Variants in CHD7 observed in about 807,000 individuals in gnomAD.
CHD7 encodes ATP-dependent chromatin remodeler CHD7.
A neutral mutation model predicts 307.3 loss-of-function variants in CHD7; 24 were observed. The ratio of observed to expected loss-of-function variants is 0.08; its 90% CI spans 0.06 to 0.11. CHD7 has a LOEUF of 0.11. Ranked by LOEUF, CHD7 falls within the 10% of genes least tolerant of loss-of-function variation. The probability of loss-of-function intolerance (pLI) is 1.00; values close to 1 mark genes in which losing one functional copy is unlikely to be tolerated. For missense variants in CHD7, 3,106 were observed against 3,727.1 expected (o/e 0.83, Z 4.34); for synonymous variants, 1,363 against 1,349.9 (o/e 1.01, Z -0.21).
At chr8:60,834,633 A>C (rs1287684599) in intron 15 of CHD7, among the ~76,000 whole-genome samples, 1 of 152,160 alleles carries the variant, frequency 6.6e-6, no homozygotes, top group East Asian at 1.9e-4. Flanking sequence ...ATTCACTTGG[A>C]AAAAGGAGTG....
intron 7 of CHD7, among the ~76,000 whole-genome samples, chr8:60,809,297 G>A (rs370605458): frequency 7.9e-5 from 12 of 152,240 alleles, no homozygotes; most frequent in Admixed American, 2.0e-4. Context: ...AAAAATGCTC[G>A]GAAAATGTTA....
intron 1 of CHD7, among the ~76,000 whole-genome samples, chr8:60,699,782 T>C (rs1213094550): frequency 6.6e-6 from 1 of 152,168 alleles, no homozygotes; most frequent in Admixed American, 6.5e-5. Context: ...GCATAACAGG[T>C]TAGATGGCAT....
intron 3 of CHD7, among the ~76,000 whole-genome samples, chr8:60,791,818 CT>C (rs1398663865): frequency 6.6e-6 from 1 of 152,142 alleles, no homozygotes; most frequent in Non-Finnish European, 1.5e-5. Context: ...CTTGCTTATT[CT>C]TTTAGCTAGT....
At chr8:60,806,817 A>T (rs1488804855) in intron 6 of CHD7, among the ~76,000 whole-genome samples, 1 of 152,194 alleles carries the variant, frequency 6.6e-6, no homozygotes, top group Non-Finnish European at 1.5e-5. Context: ...AGCCTGGGCA[A>T]CATGGTGTAA....
chr8:60,749,773 C>CT lies in CHD7; in HGVS notation c.1665+6677dup, dbSNP rs1809538554. On this transcript the variant is annotated intron_variant, in intron 2 of 37. Coordinates refer to ENST00000423902, the MANE Select transcript of CHD7 (RefSeq NM_017780.4). ...CTTTCTCACTTGCTGTGGCCCACTG[C>CT]TAGTTCTTCATGACATCTTTAGTTA... is the stretch of plus-strand genomic sequence containing the variant. 2.0e-5 allele frequency among the ~76,000 whole-genome samples: 3 copies of CT among 152,230 alleles called. No homozygotes were observed. The South Asian group carries it at 6.2e-4, about 31-fold the overall frequency.
In CHD7 at chr8:60,842,041, G is replaced by C. The variant is rs1164615393; in HGVS notation, c.4839G>C (p.Leu1613=). The C allele has an allele frequency of 2.5e-6, 4 of 1,612,900 alleles. No individual in the cohort carries two copies. The highest frequency in any genetic ancestry group is 3.4e-6 in the Non-Finnish European group (4 of 1,179,168). Residue 1613 remains leucine, a synonymous_variant, in exon 21 of 38, where the codon CTG becomes CTC. Coordinates refer to ENST00000423902, the MANE Select transcript of CHD7 (RefSeq NM_017780.4). ...AATGTTTCAGGGTGGAGAAGAATCT[G>C]CTTGTCTATGGGTAAGTAGGACTCA... The part of the protein sequence containing the change: ...RSECFRVEKN[L]LVYGWGRWTD...
rs575284775 is a variant in CHD7 at position 60,865,807 on chromosome 8, C to T, written c.8868C>T (p.Ser2956=). 41 of 1,613,898 alleles carry T rather than the reference C, an allele frequency of 2.5e-5. No individual in the cohort carries two copies. Among genetic ancestry groups the T allele is most frequent in the East Asian group, 2.0e-4 (9 of 44,882 alleles). ...AAGATGGAGAGACCCTTGAAGGCAG[C>T]GATGCCGAGGAGAGCCTGGATAAGA... ...PFKDGETLEG[S]DAEESLDKTA... The change falls in exon 38 of 38, where the codon AGC becomes AGT. Residue 2956 remains serine, a synonymous_variant. Coordinates refer to ENST00000423902, the MANE Select transcript of CHD7 (RefSeq NM_017780.4). The surrounding 1 kb of genome is among the most constrained non-coding windows in gnomAD (Gnocchi z 4.3).
chr8:60,843,109 G>A (rs1359077248), intron 21 of CHD7, among the ~76,000 whole-genome samples: 3 of 152,142 alleles, frequency 2.0e-5, no homozygotes, highest in East Asian at 1.9e-4. Context: ...TTTTTGAGTC[G>A]CCTCCCTCTT....
At chr8:60,730,752 T>C (rs908850559) in intron 1 of CHD7, among the ~76,000 whole-genome samples, 3 of 151,584 alleles carry the variant, frequency 2.0e-5, no homozygotes, top group African/African-American at 7.3e-5. Context: ...CCCAGCTACT[T>C]GGGAGGCTGA....
chr8:60,811,221 C>T (rs972419773), intron 7 of CHD7, among the ~76,000 whole-genome samples: 10 of 152,098 alleles, frequency 6.6e-5, no homozygotes, highest in African/African-American at 2.4e-4. Context: ...TTAGCCCCCG[C>T]TTGTTGATTT....
Position 60,822,737 on chromosome 8 carries a change from A to G in CHD7, c.3192A>G (p.Lys1064=). Residue 1064 remains lysine (K), a synonymous_variant, in exon 12 of 38, where the codon AAA becomes AAG. Transcript: ENST00000423902. ...TTCAGTTGTATGAAATGTACTTCAA[A>G]GATCCCCAGGTAAACCTTCACAGGT... ...RTIQLYEMYF[K]DPQGRVIKGS... 1 of 1,606,624 alleles carries G rather than the reference A, an allele frequency of 6.2e-7. No individual in the cohort carries two copies. The highest frequency in any genetic ancestry group is 8.5e-7 in the Non-Finnish European group (1 of 1,174,686).
chr8:60,854,716 A>G (rs1805627190), intron 32 of CHD7, among the ~76,000 whole-genome samples, 193 bp downstream of exon 32: 1 of 152,228 alleles, frequency 6.6e-6, no homozygotes. Context: ...CACTTTTCTA[A>G]TAGGATGGGA....
At chr8:60,689,729 T>A (rs944432393) in intron 1 of CHD7, among the ~76,000 whole-genome samples, 3 of 152,218 alleles carry the variant, frequency 2.0e-5, no homozygotes, top group African/African-American at 4.8e-5. Context: ...TCCTCAGATG[T>A]TGTATCTTAT....
intron 6 of CHD7, among the ~76,000 whole-genome samples, chr8:60,806,820 T>C (rs778980546): frequency 4.6e-5 from 7 of 152,064 alleles, no homozygotes; most frequent in Non-Finnish European, 8.8e-5. Flanking sequence ...CTGGGCAACA[T>C]GGTGTAAAAC....
At chr8:60,792,645 C>A (rs1811831293) in intron 3 of CHD7, among the ~76,000 whole-genome samples, 1 of 152,170 alleles carries the variant, frequency 6.6e-6, no homozygotes, top group Admixed American at 6.5e-5. Flanking sequence ...GATGGAAAAT[C>A]ATTAGCACTT....
intron 1 of CHD7, among the ~76,000 whole-genome samples, chr8:60,737,088 T>C (rs1395340233): frequency 2.0e-5 from 3 of 152,174 alleles, no homozygotes; most frequent in Non-Finnish European, 2.9e-5. Flanking sequence ...GACATTTCTT[T>C]CATCTTGGTT....
At chr8:60,679,321 C>T (rs1805442694) in intron 1 of CHD7, among the ~76,000 whole-genome samples, 1 of 145,814 alleles carries the variant, frequency 6.9e-6, no homozygotes, top group African/African-American at 2.5e-5. Context: ...GCGCCCCGAG[C>T]GCCGCCCGGC....
chr8:60,719,024 C>A (rs554593155), intron 1 of CHD7, among the ~76,000 whole-genome samples: 2 of 152,168 alleles, frequency 1.3e-5, no homozygotes, highest in Non-Finnish European at 2.9e-5. Flanking sequence ...GGAGGCTGTA[C>A]CATCTTGGTT....
chr8:60,811,543 A>G (rs989220888), intron 7 of CHD7, among the ~76,000 whole-genome samples: 3 of 152,108 alleles, frequency 2.0e-5, no homozygotes, highest in Non-Finnish European at 4.4e-5. Context: ...ATTCCATTGC[A>G]TGACTGCCGT....
Sources: gnomAD v4.1 joint callset for allele counts (sites outside exome capture counted in the v4.1 genomes callset) on GRCh38, gnomAD v4.1.1 for gene constraint, Gnocchi (gnomAD v3.1) non-coding constraint, MANE v1.5 for transcripts, NCBI Gene and HGNC (gene_info 2026-07-23, HGNC 2026-07-21) for gene names.